The following KATNAL1 variants were observed in gnomAD, a reference collection of about 807,000 sequenced individuals.
KATNAL1 encodes katanin p60 ATPase-containing subunit A-like 1.
Under a neutral mutation model 55.2 loss-of-function variants are expected in KATNAL1, and 32 were observed. The ratio of observed to expected loss-of-function variants is 0.58; its 90% CI spans 0.44 to 0.78. KATNAL1 has a LOEUF of 0.78. KATNAL1 is among the 30% of genes least tolerant of loss of function. The probability of loss-of-function intolerance (pLI) is 0.00; values close to 1 mark genes in which losing one functional copy is unlikely to be tolerated. For synonymous variants in KATNAL1, 193 were observed against 193.6 expected, an observed-to-expected ratio of 1.00 and a Z score of 0.02; for missense variants, 466 against 600.9, an observed-to-expected ratio of 0.78 and a Z score of 2.35.
intron 4 of KATNAL1, among the ~76,000 whole-genome samples, chr13:30,250,818 G>C (rs1878226173): frequency 6.6e-6 from 1 of 152,192 alleles, no homozygotes; most frequent in South Asian, 2.1e-4. Flanking sequence ...TCATTTCACT[G>C]AGTTAATTAA....
chr13:30,233,342 A>G (rs1876298392), intron 6 of KATNAL1, among the ~76,000 whole-genome samples: 1 of 152,238 alleles, frequency 6.6e-6, no homozygotes, highest in Non-Finnish European at 1.5e-5. Flanking sequence ...AATGTCCAAT[A>G]GATACATGAA....
intron 9 of KATNAL1, among the ~76,000 whole-genome samples, chr13:30,218,205 A>AATATATATATATATATATATAT (rs34056263): frequency 7.2e-6 from 1 of 139,506 alleles, no homozygotes; most frequent in African/African-American, 2.7e-5. Flanking sequence ...CAGTAAAAGG[A>AATATATATATATATATATATAT]ATATATATAT....
At chr13:30,304,774 T>C (rs1883078882) in intron 1 of KATNAL1, among the ~76,000 whole-genome samples, 1 of 152,098 alleles carries the variant, frequency 6.6e-6, no homozygotes, top group African/African-American at 2.4e-5. Flanking sequence ...TAACAAATGC[T>C]CAAAACTCAA....
At chr13:30,220,100 C>A (rs1473864054) in intron 9 of KATNAL1, among the ~76,000 whole-genome samples, 1 of 152,132 alleles carries the variant, frequency 6.6e-6, no homozygotes, top group African/African-American at 2.4e-5. Flanking sequence ...TATTTATAAT[C>A]ACTGTAATAT....
intron 1 of KATNAL1, among the ~76,000 whole-genome samples, chr13:30,288,899 T>C (rs1881963528): frequency 6.6e-6 from 1 of 152,216 alleles, no homozygotes; most frequent in Non-Finnish European, 1.5e-5. Context: ...CAAGATTACA[T>C]GATAGATTCA....
intron 1 of KATNAL1, among the ~76,000 whole-genome samples, chr13:30,289,600 T>C (rs1882006463): frequency 1.3e-5 from 2 of 152,258 alleles, no homozygotes; most frequent in Non-Finnish European, 2.9e-5. Context: ...TATCAGTGTA[T>C]ATTGTATTTA....
At position 30,203,832 on chromosome 13, in the gene KATNAL1, T is replaced by C. The variant is rs914315727; in HGVS notation, c.*4708A>G. ...AAAATATATCTATTATCCTAATAAT[T>C]TGATTATTAAAATACACAATTTCCA... On this transcript the variant is annotated 3_prime_UTR_variant, in exon 11 of 11. Transcript: ENST00000380615. 2 of 152,230 alleles carry C rather than the reference T, an allele frequency of 1.3e-5. No individual in the cohort carries two copies. Among genetic ancestry groups the C allele is most frequent in the East Asian group, 1.9e-4 (1 of 5,188 alleles). 9.4% of individuals were successfully genotyped at this position (152,230 alleles called of 1,614,324 possible).
intron 4 of KATNAL1, among the ~76,000 whole-genome samples, chr13:30,251,725 AG>A (rs1314993858): frequency 6.6e-6 from 1 of 152,230 alleles, no homozygotes; most frequent in Non-Finnish European, 1.5e-5. Flanking sequence ...ATAGCTTAAA[AG>A]TTAATTTATT....
chr13:30,287,901 C>T (rs993442423), intron 1 of KATNAL1, among the ~76,000 whole-genome samples: 7 of 151,946 alleles, frequency 4.6e-5, no homozygotes, highest in African/African-American at 1.7e-4. Context: ...AGCTAACAAA[C>T]AAAATGAAGG....
chr13:30,214,072 A>T (rs1873961533), intron 9 of KATNAL1, among the ~76,000 whole-genome samples: 1 of 152,242 alleles, frequency 6.6e-6, no homozygotes, highest in African/African-American at 2.4e-5. Context: ...CAACTTCAGC[A>T]AAGTCTCAGG....
At chr13:30,256,758 T>C (rs1054351077) in intron 3 of KATNAL1, among the ~76,000 whole-genome samples, 1 of 152,100 alleles carries the variant, frequency 6.6e-6, no homozygotes, top group African/African-American at 2.4e-5. Context: ...CATATTTAGA[T>C]GTTGGAATTA....
intron 3 of KATNAL1, among the ~76,000 whole-genome samples, chr13:30,271,632 GC>G (rs938344994): frequency 1.3e-5 from 2 of 152,046 alleles, no homozygotes; most frequent in African/African-American, 4.8e-5. Flanking sequence ...CTTCCACCAG[GC>G]CCCTCCACCA....
At position 30,211,317 on chromosome 13, in the gene KATNAL1, TCCTC is replaced by T. The variant is rs530229587; in HGVS notation, c.1148-879_1148-876del. On this transcript the variant is annotated intron_variant, in intron 9 of 10. Transcript: ENST00000380615. ...ATCACTCTAGCTGGCTCGTCATCTCTCCTCCCTCAACTTTTTGAATTGAGCGCTA... is the reference window on the plus strand; with the variant it reads ...ATCACTCTAGCTGGCTCGTCATCTCTCCTCAACTTTTTGAATTGAGCGCTA... Among the ~76,000 whole-genome samples, 185 of 152,308 alleles carry T rather than the reference TCCTC, an allele frequency of 1.2e-3. 1 individual carries two copies. Among genetic ancestry groups the T allele is most frequent in the Middle Eastern group, 3.4e-3 (1 of 294 alleles).
chr13:30,277,745 A>G (rs1464136837), intron 3 of KATNAL1, among the ~76,000 whole-genome samples: 1 of 152,086 alleles, frequency 6.6e-6, no homozygotes, highest in Non-Finnish European at 1.5e-5. Flanking sequence ...GCACTTTGGG[A>G]GGCCGAGGCG....
chr13:30,306,750 T>G (rs1883202505), intron 1 of KATNAL1: 2 of 152,194 alleles, frequency 1.3e-5, no homozygotes, highest in Non-Finnish European at 2.9e-5. Context: ...ACATCCAATG[T>G]GTGACATACA....
At chr13:30,230,367 ATAAT>A (rs1232634498) in intron 8 of KATNAL1, 97 bp downstream of exon 8, 4 of 1,049,956 alleles carry the variant, frequency 3.8e-6, no homozygotes, top group South Asian at 3.8e-5. Context: ...GAATGAACAA[ATAAT>A]TAAACTCAGG....
chr13:30,237,003 A>G (rs1275861876), intron 6 of KATNAL1, among the ~76,000 whole-genome samples: 4 of 152,196 alleles, frequency 2.6e-5, no homozygotes, highest in African/African-American at 9.6e-5. Flanking sequence ...TCTCCACAGC[A>G]GACTAAGTCC....
Position 30,203,910 on chromosome 13 carries a change from G to A in KATNAL1, c.*4630C>T, listed in dbSNP as rs1043922260. ...TGTCAAAAAAATTTAAGTATGAAAAGCCTAATTTAAAAGTATAAATAAGTA... is the reference window on the plus strand; with the variant it reads ...TGTCAAAAAAATTTAAGTATGAAAAACCTAATTTAAAAGTATAAATAAGTA... On this transcript the variant is annotated 3_prime_UTR_variant, in exon 11 of 11. Transcript: ENST00000380615. 2 of 151,966 alleles carry A rather than the reference G, an allele frequency of 1.3e-5. No homozygotes were observed. The highest frequency in any genetic ancestry group is 1.3e-4 in the Admixed American group (2 of 15,268). The allele number at this position is 151,966 out of a possible 1,614,324, so 9.4% of individuals were successfully genotyped here.
At chr13:30,281,122 C>CAAAAA (rs1263107106) in intron 2 of KATNAL1, among the ~76,000 whole-genome samples, 43 of 63,582 alleles carry the variant, frequency 6.8e-4, no homozygotes, top group Admixed American at 2.3e-3. Flanking sequence ...GAATCCATGT[C>CAAAAA]AAAAAAAAAA....
Sources: gnomAD v4.1 joint callset for allele counts (sites outside exome capture counted in the v4.1 genomes callset) on GRCh38, gnomAD v4.1.1 for gene constraint, MANE v1.5 for transcripts, NCBI Gene and HGNC (gene_info 2026-07-23, HGNC 2026-07-21) for gene names.